DIAPH2: variants seen among roughly 807,000 people sequenced by gnomAD.
The protein encoded by DIAPH2 is diaphanous related formin 2, also known as protein diaphanous homolog 2.
A neutral mutation model predicts 92.7 loss-of-function variants in DIAPH2; 35 were observed. That is an observed-to-expected ratio of 0.38 (90% CI 0.29 to 0.50). The LOEUF is 0.50. Ranked by LOEUF, DIAPH2 falls within the 20% of genes least tolerant of loss-of-function variation. The pLI, the probability that DIAPH2 is intolerant of heterozygous loss-of-function variation, is 0.94. For synonymous variants in DIAPH2, 301 were observed against 280.4 expected (o/e 1.07, Z -0.73); for missense variants, 701 against 819.5 (o/e 0.86, Z 1.77).
intron 4 of DIAPH2, among the ~76,000 whole-genome samples, chrX:96,871,669 A>G (rs970908723): frequency 9.0e-6 from 1 of 111,081 alleles, no homozygotes; most frequent in South Asian, 3.8e-4. Flanking sequence ...GATGTAAAAC[A>G]CAAAAGACAT....
At chrX:96,967,394 TTATTC>T (rs1285137856) in intron 17 of DIAPH2, among the ~76,000 whole-genome samples, 1 of 94,505 alleles carries the variant, frequency 1.1e-5, no homozygotes, top group Non-Finnish European at 2.1e-5. Context: ...ATTTATTTAT[TTATTC>T]ATTCATTCAT....
At chrX:97,488,023 C>T (rs771851791) in intron 26 of DIAPH2, among the ~76,000 whole-genome samples, 35 of 112,010 alleles carry the variant, frequency 3.1e-4, no homozygotes, top group Non-Finnish European at 5.6e-4. Flanking sequence ...GATGGCGTTT[C>T]GCCCTTGTTA....
intron 22 of DIAPH2, among the ~76,000 whole-genome samples, chrX:97,146,713 A>T (rs902326085): frequency 1.8e-5 from 2 of 111,928 alleles, no homozygotes; most frequent in African/African-American, 6.5e-5. Flanking sequence ...GGAAAATGCA[A>T]AACTATGGTA....
intron 23 of DIAPH2, among the ~76,000 whole-genome samples, chrX:97,294,193 A>G (rs2068624184): frequency 8.9e-6 from 1 of 111,952 alleles, no homozygotes; most frequent in African/African-American, 3.2e-5. Context: ...AGTAATAGAC[A>G]GCCCCTGACT....
chrX:97,180,457 A>G (rs1278762821), intron 22 of DIAPH2, among the ~76,000 whole-genome samples: 3 of 111,574 alleles, frequency 2.7e-5, no homozygotes, highest in Admixed American at 9.6e-5. Context: ...TGTAGGTTAC[A>G]TGTTTACTCT....
chrX:96,846,553 A>G (rs2064973815), intron 4 of DIAPH2, among the ~76,000 whole-genome samples: 1 of 112,302 alleles, frequency 8.9e-6, no homozygotes, highest in Non-Finnish European at 1.9e-5. Flanking sequence ...AATATATCCA[A>G]TTCTATTCAT....
At chrX:97,489,753 G>T (rs1257464162) in intron 26 of DIAPH2, among the ~76,000 whole-genome samples, 1 of 111,591 alleles carries the variant, frequency 9.0e-6, no homozygotes, top group Admixed American at 9.5e-5. Context: ...ATTTGCATAT[G>T]TTCAAGCCAT....
intron 24 of DIAPH2, among the ~76,000 whole-genome samples, chrX:97,361,050 CTTTT>C (rs1251912605): frequency 3.3e-5 from 3 of 91,641 alleles, no homozygotes; most frequent in Non-Finnish European, 6.6e-5. Context: ...TCTTCTTCTT[CTTTT>C]TTTTTTTTTT....
chrX:97,119,921 T>C (rs2067043968), intron 21 of DIAPH2, among the ~76,000 whole-genome samples: 1 of 111,577 alleles, frequency 9.0e-6, no homozygotes, highest in South Asian at 3.8e-4. Context: ...CGAGTCTGTT[T>C]CCAGGCAGTG....
intron 11 of DIAPH2, among the ~76,000 whole-genome samples, chrX:96,938,294 T>C (rs977461642): frequency 2.8e-4 from 31 of 112,021 alleles, no homozygotes; most frequent in African/African-American, 9.7e-4. Flanking sequence ...AATGTTATTA[T>C]TTTAAGGAAT....
At chrX:97,275,762 CG>C (rs2068444204) in intron 23 of DIAPH2, among the ~76,000 whole-genome samples, 1 of 110,263 alleles carries the variant, frequency 9.1e-6, no homozygotes, top group African/African-American at 3.3e-5. Context: ...GACGGGATGG[CG>C]GCCGGGAAGA....
intron 26 of DIAPH2, among the ~76,000 whole-genome samples, chrX:97,492,583 T>C (rs979354968): frequency 9.0e-6 from 1 of 111,727 alleles, no homozygotes; most frequent in Non-Finnish European, 1.9e-5. Flanking sequence ...TAGCATCATG[T>C]CTAGTGGTGA....
At chrX:97,378,617 A>G (rs936458427) in intron 24 of DIAPH2, among the ~76,000 whole-genome samples, 2 of 112,109 alleles carry the variant, frequency 1.8e-5, no homozygotes, top group Non-Finnish European at 3.8e-5. Context: ...AGGTTGAAGC[A>G]GGAGGATCTC....
At chrX:96,865,413 A>G (rs750936635) in intron 4 of DIAPH2, among the ~76,000 whole-genome samples, 1 of 112,240 alleles carries the variant, frequency 8.9e-6, no homozygotes, top group Non-Finnish European at 1.9e-5. Context: ...AATGATGGGA[A>G]GGAGACAACC....
rs185405825 is a variant in DIAPH2 at position 97,504,826 on chromosome X, T to C, written c.3241+75081T>C. Among the ~76,000 whole-genome samples, 15 of 112,311 alleles carry C rather than the reference T, an allele frequency of 1.3e-4. No homozygotes were observed. In the East Asian group the frequency reaches 4.2e-3, roughly 31 times the overall value. ...GAAAAAACAGCACCAATTTCAGGTT[T>C]TTCAGAGATGAGTGTGTTCCCAAAG... On this transcript the variant is annotated intron_variant, in intron 26 of 26. Transcript: ENST00000324765.
intron 4 of DIAPH2, among the ~76,000 whole-genome samples, chrX:96,775,335 A>G (rs1234131505): frequency 1.4e-5 from 1 of 73,034 alleles, no homozygotes; most frequent in East Asian, 3.8e-4. Context: ...GTTCATTCTT[A>G]TTTTACTCAA....
chrX:97,367,501 C>T (rs368686484), intron 24 of DIAPH2, among the ~76,000 whole-genome samples: 7 of 111,276 alleles, frequency 6.3e-5, no homozygotes, highest in East Asian at 5.6e-4. Flanking sequence ...ACATGATCCA[C>T]GCTATTTTGT....
intron 17 of DIAPH2, among the ~76,000 whole-genome samples, chrX:97,005,333 A>ATTT (rs557177508): frequency 3.2e-5 from 3 of 92,389 alleles, no homozygotes; most frequent in African/African-American, 1.2e-4. Flanking sequence ...CTCCTCCTCT[A>ATTT]TTTTTTTTTT....
rs397896097 is a variant in DIAPH2 at position 97,507,141 on chromosome X, C to CAAAAAAAAAAAAA, written c.3241+77409_3241+77421dup. ...AGGATACACCAGTGAACAAAACCGA[C>CAAAAAAAAAAAAA]AAAAAAAAAAAAAAAAAAAAAAAAA... On this transcript the variant is annotated intron_variant, in intron 26 of 26. Coordinates refer to ENST00000324765, the MANE Select transcript of DIAPH2 (RefSeq NM_006729.5). Among the ~76,000 whole-genome samples the CAAAAAAAAAAAAA allele has an allele frequency of 4.4e-3, 137 of 31,118 alleles. 5 individuals carry two copies. Among genetic ancestry groups the CAAAAAAAAAAAAA allele is most frequent in the Non-Finnish European group, 5.2e-3 (96 of 18,414 alleles). 27.0% of individuals were successfully genotyped at this position (31,118 alleles called of 115,157 possible).
Sources: gnomAD v4.1 joint callset for allele counts (sites outside exome capture counted in the v4.1 genomes callset) on GRCh38, gnomAD v4.1.1 for gene constraint, MANE v1.5 for transcripts, NCBI Gene and HGNC (gene_info 2026-07-23, HGNC 2026-07-21) for gene names.